Variants in CLTCL1 observed in about 807,000 individuals in gnomAD.
The protein encoded by CLTCL1 is clathrin heavy chain like 1.
A neutral mutation model predicts 190.0 loss-of-function variants in CLTCL1; 159 were observed. The observed-to-expected ratio is 0.84, with a 90% confidence interval of 0.74 to 0.95. CLTCL1 has a LOEUF of 0.95. Among genes scored for constraint, CLTCL1 ranks in the 40% least tolerant of loss-of-function variants. The probability of loss-of-function intolerance (pLI) is 0.00; values close to 1 mark genes in which losing one functional copy is unlikely to be tolerated. For missense variants in CLTCL1, 1,878 were observed against 2,033.4 expected (o/e 0.92, Z 1.47); for synonymous variants, 752 against 769.6 (o/e 0.98, Z 0.38).
At chr22:19,239,510 C>G in intron 4 of CLTCL1, 122 bp from the exon 5 acceptor site, 1 of 746,228 alleles carries the variant, frequency 1.3e-6, no homozygotes, top group Non-Finnish European at 2.4e-6. Context: ...CTAAAAGTCA[C>G]ATTCAACCAA....
chr22:19,189,797 T>C (rs1555930502), intron 27 of CLTCL1, among the ~76,000 whole-genome samples: 1 of 152,226 alleles, frequency 6.6e-6, no homozygotes, highest in African/African-American at 2.4e-5. Context: ...TAGTTGTGCA[T>C]ATTAATTGGG....
rs1264344659 is a variant in CLTCL1 at position 19,216,222 on chromosome 22, G to C, written c.2954C>G (p.Pro985Arg). 1.2e-6 allele frequency: 2 copies of C among 1,613,962 alleles called. No homozygotes were observed. Among genetic ancestry groups the C allele is most frequent in the South Asian group, 1.1e-5 (1 of 91,074 alleles). Residue 985 changes from proline to arginine, a missense_variant, in exon 19 of 33, where the codon CCT (proline) becomes CGT (arginine). Physicochemically the swap from Pro to Arg is moderately radical, Grantham distance 103 (BLOSUM62 -2). Coordinates refer to ENST00000427926, the MANE Select transcript of CLTCL1 (RefSeq NM_007098.4). ...TTTGACAGTGACCGAAATCTCTTCA[G>C]GATCCCGTGTTTCTGACAATGCTGT... ...VQTALSETRD[P>R]EEISVTVKAF... is the part of the protein sequence containing the mutation.
intron 3 of CLTCL1, among the ~76,000 whole-genome samples, chr22:19,253,181 A>C (rs1378918993): frequency 6.6e-6 from 1 of 152,192 alleles, no homozygotes; most frequent in Non-Finnish European, 1.5e-5. Flanking sequence ...GCATTTACAC[A>C]GAAGCAGCTC....
At chr22:19,245,666 T>TCCCCTGA (rs1487331814) in intron 3 of CLTCL1, among the ~76,000 whole-genome samples, 7 of 152,310 alleles carry the variant, frequency 4.6e-5, no homozygotes, top group Non-Finnish European at 1.0e-4. Flanking sequence ...CAGTCCCCAG[T>TCCCCTGA]CCCCTGACCC....
rs954231694 is a variant in CLTCL1, at chr22:19,244,009, T to G, written c.520-1073A>C. On this transcript the variant is annotated intron_variant, in intron 3 of 32. Transcript: ENST00000427926. ...ACCATGCCCAGCCAGAACTTATATT[T>G]TCTACTAAAGAATTTCAGTACATTT... 5.3e-5 allele frequency among the ~76,000 whole-genome samples: 8 copies of G among 152,168 alleles called. 1 individual carries two copies. The highest frequency in any genetic ancestry group is 2.0e-4 in the Admixed American group (3 of 15,282).
intron 19 of CLTCL1, among the ~76,000 whole-genome samples, chr22:19,214,231 G>A (rs544989722): frequency 4.6e-5 from 7 of 152,270 alleles, no homozygotes; most frequent in Non-Finnish European, 1.0e-4. Flanking sequence ...GCACGTCAGA[G>A]GTCCAGCTGT....
intron 2 of CLTCL1, among the ~76,000 whole-genome samples, chr22:19,266,415 G>T (rs944802108): frequency 6.6e-6 from 1 of 152,164 alleles, no homozygotes; most frequent in East Asian, 1.9e-4. Flanking sequence ...AGCAAGTAAG[G>T]AAGTTGAATT....
At chr22:19,228,445 T>C (rs2085821204) in intron 11 of CLTCL1, among the ~76,000 whole-genome samples, 1 of 152,182 alleles carries the variant, frequency 6.6e-6, no homozygotes, top group Non-Finnish European at 1.5e-5. Context: ...TGAGTGACGC[T>C]TGGTGTGTTT....
intron 22 of CLTCL1, among the ~76,000 whole-genome samples, chr22:19,204,482 C>T (rs1457459825): frequency 6.6e-6 from 1 of 152,186 alleles, no homozygotes; most frequent in African/African-American, 2.4e-5. Context: ...TATCCCTGCC[C>T]CGCTTCACTT....
intron 1 of CLTCL1, among the ~76,000 whole-genome samples, chr22:19,281,238 T>C (rs1430192376): frequency 1.4e-5 from 2 of 147,504 alleles, no homozygotes; most frequent in East Asian, 4.0e-4. Context: ...GAGCTTGCAG[T>C]GAGCCGAGAT....
In CLTCL1 at chr22:19,233,456, T is replaced by A. The variant is rs781818319; in HGVS notation, c.1334A>T (p.Lys445Met). The part of the protein sequence containing the change: ...LCHLVLQQGR[K>M]QLLEKWLKED... ...TTTCAGCCACTTCTCTAGGAGTTGCTTACGCCCCTGCTGAAGAACCAGATG... is the reference window on the plus strand; with the variant it reads ...TTTCAGCCACTTCTCTAGGAGTTGCATACGCCCCTGCTGAAGAACCAGATG... Residue 445 changes from lysine (K) to methionine (M), a missense_variant, in exon 8 of 33, where the codon AAG becomes ATG. Transcript: ENST00000427926. 7 of 1,613,836 alleles carry A rather than the reference T, an allele frequency of 4.3e-6. No homozygotes were observed. The highest frequency in any genetic ancestry group is 5.9e-6 in the Non-Finnish European group (7 of 1,179,836).
intron 26 of CLTCL1, among the ~76,000 whole-genome samples, chr22:19,192,013 T>C (rs781264010): frequency 6.6e-6 from 1 of 151,810 alleles, no homozygotes; most frequent in East Asian, 1.9e-4. Context: ...CTGTGTCTCT[T>C]AGCACTTTCC....
At chr22:19,272,006 G>A (rs561247175) in intron 2 of CLTCL1, among the ~76,000 whole-genome samples, 8 of 152,312 alleles carry the variant, frequency 5.3e-5, no homozygotes, top group South Asian at 2.1e-4. Flanking sequence ...CTACTTCAGA[G>A]GCTGACGCAG....
At chr22:19,247,404 A>G (rs1328532736) in intron 3 of CLTCL1, among the ~76,000 whole-genome samples, 2 of 151,942 alleles carry the variant, frequency 1.3e-5, no homozygotes, top group Non-Finnish European at 2.9e-5. Flanking sequence ...AATGCATGGG[A>G]TTTTTTTATT....
intron 29 of CLTCL1, among the ~76,000 whole-genome samples, chr22:19,185,761 A>T (rs1877306854): frequency 6.6e-6 from 1 of 152,152 alleles, no homozygotes; most frequent in African/African-American, 2.4e-5. Context: ...TCACTGCCTG[A>T]GTGTTGAGGA....
intron 2 of CLTCL1, chr22:19,257,893 G>T (rs1555973530): frequency 7.3e-7 from 1 of 1,369,014 alleles, no homozygotes; most frequent in East Asian, 4.1e-5. Context: ...CCCCAGGTCA[G>T]AGACTGGGCC....
At chr22:19,237,108 C>T (rs782757359) in intron 5 of CLTCL1, among the ~76,000 whole-genome samples, 1 of 152,072 alleles carries the variant, frequency 6.6e-6, no homozygotes, top group African/African-American at 2.4e-5. Flanking sequence ...TCACAAATTA[C>T]GACTGGGAAA....
At chr22:19,197,391 T>C (rs529318200) in intron 24 of CLTCL1, among the ~76,000 whole-genome samples, 1 of 152,258 alleles carries the variant, frequency 6.6e-6, no homozygotes, top group South Asian at 2.1e-4. Context: ...ACACGCCGCC[T>C]GTGCTCCTGT....
At chr22:19,283,140 G>A (rs537850293) in intron 1 of CLTCL1, among the ~76,000 whole-genome samples, 1 of 151,714 alleles carries the variant, frequency 6.6e-6, no homozygotes, top group East Asian at 1.9e-4. Flanking sequence ...CCAAAGTGCT[G>A]GGATTATAGG....
Sources: gnomAD v4.1 joint callset for allele counts (sites outside exome capture counted in the v4.1 genomes callset) on GRCh38, gnomAD v4.1.1 for gene constraint, MANE v1.5 for transcripts, NCBI Gene and HGNC (gene_info 2026-07-23, HGNC 2026-07-21) for gene names.